Variants in PSIP1 observed in about 807,000 individuals in gnomAD.
PSIP1 encodes PC4 and SFRS1-interacting protein.
Under a neutral mutation model 74.7 loss-of-function variants are expected in PSIP1, and 19 were observed. That is an observed-to-expected ratio of 0.25 (90% confidence interval 0.18 to 0.37). The LOEUF is 0.37. Ranked by LOEUF, PSIP1 falls within the 10% of genes least tolerant of loss-of-function variation. The pLI is 1.00. For synonymous variants in PSIP1, 222 were observed against 195.3 expected (o/e 1.14, Z -1.14); for missense variants, 601 against 614.3 (o/e 0.98, Z 0.23).
intron 6 of PSIP1, among the ~76,000 whole-genome samples, chr9:15,481,180 C>A (rs2036319475): frequency 6.6e-6 from 1 of 152,174 alleles, no homozygotes. Context: ...AATCCTGATT[C>A]AATAGCTCTG....
intron 3 of PSIP1, 142 bp from the exon 4 acceptor site, chr9:15,490,266 T>C (rs2036762975): frequency 2.8e-6 from 2 of 717,010 alleles, no homozygotes; most frequent in Non-Finnish European, 4.2e-6. Flanking sequence ...GGGCAATTAA[T>C]AATTCCAAAT....
At chr9:15,507,311 G>A (rs944233543) in intron 2 of PSIP1, among the ~76,000 whole-genome samples, 9 of 152,096 alleles carry the variant, frequency 5.9e-5, no homozygotes, top group African/African-American at 2.2e-4. Context: ...ATCAATAAAG[G>A]AAAAGCAGAC....
chr9:15,468,853 C>T lies in PSIP1; in HGVS notation c.1207-10G>A, dbSNP rs1400951087. 5 of 1,610,194 alleles carry T rather than the reference C, an allele frequency of 3.1e-6. No homozygotes were observed. In the South Asian group the frequency reaches 5.5e-5, roughly 18 times the overall value. ...CTTTGAATCGCCGTATCTGAGAAAA[C>T]AATATACATTCATCATAATTGTTTT... On this transcript the variant is annotated splice_polypyrimidine_tract_variant and intron_variant, in intron 13 of 15. Coordinates refer to ENST00000380733, the MANE Select transcript of PSIP1 (RefSeq NM_033222.5).
At chr9:15,506,749 T>C (rs1179129410) in intron 2 of PSIP1, 112 bp from the exon 3 acceptor site, 2 of 752,372 alleles carry the variant, frequency 2.7e-6, no homozygotes, top group East Asian at 2.8e-5. Flanking sequence ...AATGGGCCAG[T>C]TCTGCAGGCC....
chr9:15,471,766 GAAAA>G lies in PSIP1; in HGVS notation c.977+862_977+865del, dbSNP rs920362684. Reference sequence around the variant, plus strand: ...TTGGCTTACGGATATATTATATAAAGAAAAAAAGTACAAAATTGTTCAAGAATTG... The same window carrying G: ...TTGGCTTACGGATATATTATATAAAGAAAGTACAAAATTGTTCAAGAATTG... On this transcript the variant is annotated intron_variant, in intron 10 of 15. Transcript: ENST00000380733. 4 of 957,540 alleles carry G rather than the reference GAAAA, an allele frequency of 4.2e-6. No homozygotes were observed. In the African/African-American group the frequency reaches 5.3e-5, roughly 13 times the overall value. 59.3% of individuals were successfully genotyped at this position (957,540 alleles called of 1,614,324 possible). A position where few individuals can be genotyped will look rare whatever the true frequency, so the allele number is the denominator to read the frequency against.
intron 6 of PSIP1, among the ~76,000 whole-genome samples, chr9:15,480,617 A>G (rs1383410236): frequency 6.6e-6 from 1 of 152,222 alleles, no homozygotes; most frequent in African/African-American, 2.4e-5. Flanking sequence ...TTGGCAATAT[A>G]GAATGTGCAA....
intron 10 of PSIP1, chr9:15,471,599 G>C: frequency 1.1e-6 from 1 of 936,268 alleles, no homozygotes; most frequent in Non-Finnish European, 1.3e-6. Flanking sequence ...TTACAGAAGT[G>C]CTTAAAGTCT....
At chr9:15,483,420 A>C (rs1587490561) in intron 6 of PSIP1, among the ~76,000 whole-genome samples, 1 of 144,502 alleles carries the variant, frequency 6.9e-6, no homozygotes. Context: ...CTTAAATCCC[A>C]TCTCTCGTCT....
rs753476540 is a variant in PSIP1 at position 15,510,192 on chromosome 9, T to G, written c.-4A>C. 9.4e-6 allele frequency: 15 copies of G among 1,603,466 alleles called. No homozygotes were observed. The Admixed American group carries it at 2.5e-4, about 27-fold the overall frequency. On this transcript the variant is annotated 5_prime_UTR_variant, in exon 2 of 16. Coordinates refer to ENST00000380733, the MANE Select transcript of PSIP1 (RefSeq NM_033222.5). Reference sequence around the variant, plus strand: ...CAGGTTTGAAATCGCGAGTCATGTTTCGGGGGCGAGACCGGGGGTCCGAAG... The same window carrying G: ...CAGGTTTGAAATCGCGAGTCATGTTGCGGGGGCGAGACCGGGGGTCCGAAG...
chr9:15,469,853 C>T, intron 11 of PSIP1, 85 bp downstream of exon 11: 1 of 1,191,612 alleles, frequency 8.4e-7, no homozygotes, highest in Non-Finnish European at 1.2e-6. Context: ...TAAAATTATT[C>T]CAAAACCAAT....
At chr9:15,472,304 C>T (rs1587462333) in intron 10 of PSIP1, 1 of 1,026,418 alleles carries the variant, frequency 9.7e-7, no homozygotes, top group African/African-American at 1.7e-5. Context: ...ATATTATCGC[C>T]CCTCTATCTA....
chr9:15,510,577 G>T (rs544985095), intron 1 of PSIP1, among the ~76,000 whole-genome samples: 2 of 152,016 alleles, frequency 1.3e-5, no homozygotes, highest in African/African-American at 4.8e-5. Flanking sequence ...ATCTTTCTCC[G>T]GGCTTTTTCC....
At chr9:15,478,702 C>T in intron 7 of PSIP1, 150 bp from the exon 8 acceptor site, 1 of 541,240 alleles carries the variant, frequency 1.8e-6, no homozygotes, top group South Asian at 3.2e-5. Context: ...AAAATAATAC[C>T]TCCCCCACCA....
chr9:15,506,731 T>C (rs2037607145), intron 2 of PSIP1, 94 bp from the exon 3 acceptor site: 2 of 951,414 alleles, frequency 2.1e-6, no homozygotes, highest in Non-Finnish European at 3.1e-6. Context: ...AAAAGGGTTC[T>C]GTTATAAAAT....
At chr9:15,494,322 T>C (rs1445908743) in intron 3 of PSIP1, among the ~76,000 whole-genome samples, 1 of 152,040 alleles carries the variant, frequency 6.6e-6, no homozygotes, top group Non-Finnish European at 1.5e-5. Flanking sequence ...ATCCCAGCAC[T>C]TGGGAGGCCT....
At chr9:15,496,362 G>A (rs1284426394) in intron 3 of PSIP1, among the ~76,000 whole-genome samples, 1 of 152,176 alleles carries the variant, frequency 6.6e-6, no homozygotes, top group African/African-American at 2.4e-5. Flanking sequence ...TTAACAGACA[G>A]CAGTATTGCC....
chr9:15,466,973 T>A (rs971995844), intron 14 of PSIP1, 114 bp from the exon 15 acceptor site: 5 of 725,424 alleles, frequency 6.9e-6, no homozygotes, highest in South Asian at 3.4e-5. Flanking sequence ...TTCTACTACT[T>A]AATGTCTTTT....
intron 9 of PSIP1, 75 bp downstream of exon 9, chr9:15,473,934 A>G: frequency 3.1e-6 from 3 of 974,172 alleles, no homozygotes; most frequent in African/African-American, 2.7e-5. Flanking sequence ...AAACAAAAAA[A>G]AAACAAAGAA....
At chr9:15,503,993 C>A (rs569024398) in intron 3 of PSIP1, among the ~76,000 whole-genome samples, 79 of 152,286 alleles carry the variant, frequency 5.2e-4, no homozygotes, top group Non-Finnish European at 9.6e-4. Context: ...CATCCGCCCG[C>A]TTCAGCCTCC....
Sources: gnomAD v4.1 joint callset for allele counts (sites outside exome capture counted in the v4.1 genomes callset) on GRCh38, gnomAD v4.1.1 for gene constraint, MANE v1.5 for transcripts, NCBI Gene and HGNC (gene_info 2026-07-23, HGNC 2026-07-21) for gene names.